The following CYP7B1 variants were observed in gnomAD, a reference collection of about 807,000 sequenced individuals.
The protein encoded by CYP7B1 is cytochrome P450 family 7 subfamily B member 1, also known as cytochrome P450 7B1.
A neutral mutation model predicts 42.7 loss-of-function variants in CYP7B1; 29 were observed. The ratio of observed to expected loss-of-function variants is 0.68; its 90% CI spans 0.51 to 0.93. The LOEUF is 0.93. Ranked by LOEUF, CYP7B1 falls within the 40% of genes least tolerant of loss-of-function variation. CYP7B1 has a pLI of 0.00. For missense variants in CYP7B1, 655 were observed against 600.5 expected, an observed-to-expected ratio of 1.09 and a Z score of -0.95; for synonymous variants, 235 against 218.2, an observed-to-expected ratio of 1.08 and a Z score of -0.68.
At chr8:64,683,636 T>C (rs1806573571) in intron 1 of CYP7B1, among the ~76,000 whole-genome samples, 1 of 152,158 alleles carries the variant, frequency 6.6e-6, no homozygotes, top group Non-Finnish European at 1.5e-5. Context: ...AAGTGATGCT[T>C]GAGGAGATGG....
At chr8:64,633,741 A>T (rs751946536) in intron 1 of CYP7B1, among the ~76,000 whole-genome samples, 11 of 152,180 alleles carry the variant, frequency 7.2e-5, no homozygotes, top group Non-Finnish European at 1.3e-4. Flanking sequence ...TTCTAGTAAG[A>T]TGTTTTATGG....
At chr8:64,781,064 A>C (rs1004368579) in intron 1 of CYP7B1, among the ~76,000 whole-genome samples, 13 of 152,174 alleles carry the variant, frequency 8.5e-5, no homozygotes, top group African/African-American at 2.7e-4. Flanking sequence ...CACAGAAATC[A>C]ATGCTAATCT....
At chr8:64,660,992 G>A (rs753293228) in intron 1 of CYP7B1, among the ~76,000 whole-genome samples, 6 of 152,176 alleles carry the variant, frequency 3.9e-5, no homozygotes, top group Admixed American at 6.5e-5. Context: ...TAATCACTGA[G>A]GATTGAAAAA....
At chr8:64,723,049 C>CTGT (rs1303659543) in intron 1 of CYP7B1, among the ~76,000 whole-genome samples, 1 of 152,096 alleles carries the variant, frequency 6.6e-6, no homozygotes, top group Non-Finnish European at 1.5e-5. Context: ...ACTATACAAT[C>CTGT]ATTAGCCCTG....
intron 1 of CYP7B1, among the ~76,000 whole-genome samples, chr8:64,707,693 T>A (rs1469602275): frequency 2.0e-5 from 3 of 148,862 alleles, no homozygotes; most frequent in African/African-American, 5.2e-5. Flanking sequence ...TTCAATTAGT[T>A]TTTTTTTTCA....
At position 64,615,113 on chromosome 8, in the gene CYP7B1, G is replaced by A. The variant is rs773055558; in HGVS notation, c.970C>T (p.Arg324Cys). 1.2e-5 allele frequency: 20 copies of A among 1,613,510 alleles called. No individual in the cohort carries two copies. The highest frequency in any genetic ancestry group is 1.7e-5 in the Admixed American group (1 of 59,912). The stretch of plus-strand genomic sequence containing the variant: ...TTTTGACCTGTTGACTGCAGCAAAC[G>A]GTCAATTTCGTCACGCACTGCTGCC... ...AMAAVRDEID[R>C]LLQSTGQKKG... Residue 324 changes from arginine to cysteine, a missense_variant, in exon 4 of 6, where the codon CGT becomes TGT. Physicochemically the swap from Arg to Cys is radical, Grantham distance 180. Transcript: ENST00000310193.
intron 2 of CYP7B1, among the ~76,000 whole-genome samples, chr8:64,622,670 T>G (rs1190640599): frequency 6.6e-6 from 1 of 152,064 alleles, no homozygotes; most frequent in Admixed American, 6.6e-5. Flanking sequence ...AGCATGGTTA[T>G]AAGTGATGGT....
intron 1 of CYP7B1, among the ~76,000 whole-genome samples, chr8:64,682,336 A>C (rs1468670917): frequency 6.6e-6 from 1 of 152,232 alleles, no homozygotes; most frequent in East Asian, 1.9e-4. Context: ...GCTAAGACTC[A>C]TCCTACAGAC....
intron 1 of CYP7B1, among the ~76,000 whole-genome samples, chr8:64,773,431 A>G (rs905227784): frequency 2.0e-5 from 3 of 152,226 alleles, no homozygotes; most frequent in African/African-American, 7.2e-5. Context: ...GAAAAAATCC[A>G]AAGTAAAATA....
At chr8:64,771,790 A>G (rs1009468156) in intron 1 of CYP7B1, among the ~76,000 whole-genome samples, 2 of 152,218 alleles carry the variant, frequency 1.3e-5, no homozygotes, top group African/African-American at 4.8e-5. Context: ...ACAAAACTAT[A>G]ACTCCATTAG....
At chr8:64,626,260 G>A (rs1805608898) in intron 1 of CYP7B1, among the ~76,000 whole-genome samples, 1 of 152,042 alleles carries the variant, frequency 6.6e-6, no homozygotes, top group South Asian at 2.1e-4. Flanking sequence ...GTGGACCTAG[G>A]GAAAAAAAAC....
At chr8:64,732,132 C>T (rs760582893) in intron 1 of CYP7B1, among the ~76,000 whole-genome samples, 1 of 152,150 alleles carries the variant, frequency 6.6e-6, no homozygotes, top group South Asian at 2.1e-4. Flanking sequence ...TTACTGTCCT[C>T]GAGAACCTAG....
chr8:64,700,121 TCAC>T (rs1279329837), intron 1 of CYP7B1, among the ~76,000 whole-genome samples: 1 of 152,070 alleles, frequency 6.6e-6, no homozygotes, highest in Non-Finnish European at 1.5e-5. Context: ...CGCATAGAAT[TCAC>T]CATGCACACA....
intron 1 of CYP7B1, among the ~76,000 whole-genome samples, chr8:64,630,189 T>C (rs945882696): frequency 1.3e-5 from 2 of 152,110 alleles, no homozygotes; most frequent in Non-Finnish European, 2.9e-5. Context: ...TAAATAGTTT[T>C]ACAAAAGAGA....
intron 1 of CYP7B1, among the ~76,000 whole-genome samples, chr8:64,695,410 T>G (rs1429060432): frequency 1.3e-5 from 2 of 152,114 alleles, no homozygotes; most frequent in Non-Finnish European, 2.9e-5. Flanking sequence ...AAGGAGGACA[T>G]GTTCATTTCC....
intron 1 of CYP7B1, among the ~76,000 whole-genome samples, chr8:64,761,330 T>C (rs2129633720): frequency 6.6e-6 from 1 of 152,270 alleles, no homozygotes; most frequent in East Asian, 1.9e-4. Context: ...TGACTAGATC[T>C]TAAATGCTCT....
At chr8:64,602,595 A>G (rs932819241) in intron 5 of CYP7B1, among the ~76,000 whole-genome samples, 7 of 152,206 alleles carry the variant, frequency 4.6e-5, no homozygotes, top group African/African-American at 1.4e-4. Context: ...ATTGCCTGTT[A>G]TCAACATCTG....
At chr8:64,615,442 G>A (rs1392913355) in intron 3 of CYP7B1, among the ~76,000 whole-genome samples, 1 of 150,032 alleles carries the variant, frequency 6.7e-6, no homozygotes, top group African/African-American at 2.5e-5. Context: ...GGTGGGGGAT[G>A]AGATAAGAGG....
intron 1 of CYP7B1, among the ~76,000 whole-genome samples, chr8:64,757,813 G>A (rs995945995): frequency 1.3e-5 from 2 of 152,166 alleles, no homozygotes; most frequent in Admixed American, 6.5e-5. Flanking sequence ...GAGCGTGGAG[G>A]AGTTAACACC....
Sources: allele counts gnomAD v4.1 joint callset (sites outside exome capture counted in the v4.1 genomes callset), GRCh38; gene constraint gnomAD v4.1.1; transcripts MANE v1.5; gene names NCBI Gene and HGNC (gene_info 2026-07-23, HGNC 2026-07-21).